The following ANK2 variants were observed in gnomAD, a reference collection of about 807,000 sequenced individuals.
ANK2 encodes ankyrin 2.
ANK2 carries 83 observed loss-of-function variants against 360.5 expected under a neutral mutation model. The ratio of observed to expected loss-of-function variants is 0.23; its 90% CI spans 0.19 to 0.28. The LOEUF (loss-of-function observed/expected upper bound fraction) is 0.28, where lower values mean the gene tolerates loss of function less well. ANK2 is among the 10% of genes least tolerant of loss of function. The pLI is 1.00. For missense variants in ANK2, 4,201 were observed against 4,795.7 expected (o/e 0.88, Z 3.66); for synonymous variants, 1,740 against 1,759.5 (o/e 0.99, Z 0.28).
chr4:112,791,389 C>T, the ANK2 span, among the ~76,000 whole-genome samples: 5 of 151,794 alleles, frequency 3.3e-5, no homozygotes, highest in African/African-American at 9.7e-5. Flanking sequence ...AAGGTTTCAC[C>T]TTTTTCTAGG....
intron 1 of ANK2, among the ~76,000 whole-genome samples, chr4:112,889,245 AAC>A (rs1553969261): frequency 8.5e-5 from 13 of 152,064 alleles, no homozygotes; most frequent in African/African-American, 2.4e-4. Flanking sequence ...AAAAAAAAAA[AAC>A]AAAACCTTAA....
At chr4:113,134,951 T>G (rs554027076) in intron 1 of ANK2, among the ~76,000 whole-genome samples, 1 of 152,286 alleles carries the variant, frequency 6.6e-6, no homozygotes, top group African/African-American at 2.4e-5. Context: ...GACTAAAGTT[T>G]TATGGTGTCC....
Position 113,206,009 on chromosome 4 carries a change from A to AT in ANK2, c.384+6907dup, listed in dbSNP as rs1360703267. Among the ~76,000 whole-genome samples the AT allele has an allele frequency of 2.6e-5, 4 of 152,280 alleles. No individual in the cohort carries two copies. The East Asian group carries it at 7.7e-4, about 29-fold the overall frequency. On this transcript the variant is annotated intron_variant, in intron 4 of 45. Transcript: ENST00000357077. ...TATAAAGTGGGATCTATAGTCACAGATTTTTTTAAACAGGTTTTATTTTCA... is the reference window on the plus strand; with the variant it reads ...TATAAAGTGGGATCTATAGTCACAGATTTTTTTTAAACAGGTTTTATTTTCA...
chr4:112,929,329 T>G (rs1404387473), intron 2 of ANK2, among the ~76,000 whole-genome samples: 1 of 152,256 alleles, frequency 6.6e-6, no homozygotes, highest in Non-Finnish European at 1.5e-5. Flanking sequence ...ACTTCTCTTA[T>G]TGGCTTGAAA....
intron 1 of ANK2, among the ~76,000 whole-genome samples, chr4:112,832,015 C>T (rs531350841): frequency 3.7e-4 from 56 of 152,288 alleles, no homozygotes; most frequent in Admixed American, 2.0e-3. Flanking sequence ...TCACTGCAAG[C>T]GTCCATGGCT....
intron 14 of ANK2, among the ~76,000 whole-genome samples, chr4:113,272,543 G>T (rs755119968): frequency 2.6e-5 from 4 of 152,084 alleles, no homozygotes; most frequent in Non-Finnish European, 5.9e-5. Context: ...TGCAAAATTT[G>T]CATGTTATTT....
intron 1 of ANK2, among the ~76,000 whole-genome samples, chr4:112,839,799 A>G (rs2061722227): frequency 6.6e-6 from 1 of 152,218 alleles, no homozygotes; most frequent in Admixed American, 6.5e-5. Context: ...TATCCTGGGT[A>G]TAGAGATTTT....
intron 1 of ANK2, among the ~76,000 whole-genome samples, chr4:112,860,265 C>T (rs756174376): frequency 2.1e-4 from 32 of 151,860 alleles, no homozygotes; most frequent in Non-Finnish European, 4.4e-4. Flanking sequence ...CTTGCTCTGT[C>T]GCCCAGGCTG....
intron 14 of ANK2, among the ~76,000 whole-genome samples, chr4:113,267,205 G>A (rs939656141): frequency 6.6e-6 from 1 of 152,166 alleles, no homozygotes; most frequent in African/African-American, 2.4e-5. Context: ...TGGGTTGCTT[G>A]TTCACTCTGA....
At chr4:113,228,971 G>T (rs1358065915) in intron 4 of ANK2, among the ~76,000 whole-genome samples, 2 of 152,048 alleles carry the variant, frequency 1.3e-5, no homozygotes, top group Non-Finnish European at 2.9e-5. Flanking sequence ...CACTCCTGGG[G>T]GCCTACCACC....
intron 15 of ANK2, among the ~76,000 whole-genome samples, chr4:113,277,629 C>G (rs2060713625): frequency 6.6e-6 from 1 of 152,102 alleles, no homozygotes; most frequent in Admixed American, 6.5e-5. Flanking sequence ...AATAAAATTT[C>G]TTTTATTCAG....
the ANK2 span, among the ~76,000 whole-genome samples, chr4:112,782,773 G>A: frequency 6.6e-6 from 1 of 151,900 alleles, no homozygotes; most frequent in Admixed American, 6.6e-5. Flanking sequence ...GGAGGCTGAG[G>A]CAGGAGGATC....
At chr4:113,101,400 C>T (rs1404540367) in intron 1 of ANK2, among the ~76,000 whole-genome samples, 3 of 152,082 alleles carry the variant, frequency 2.0e-5, no homozygotes, top group Non-Finnish European at 4.4e-5. Context: ...CTTAATTTCT[C>T]TAGGAAATTC....
intron 1 of ANK2, among the ~76,000 whole-genome samples, chr4:113,086,663 G>T (rs901826861): frequency 6.6e-6 from 1 of 152,178 alleles, no homozygotes; most frequent in South Asian, 2.1e-4. Flanking sequence ...AAAAAACCAC[G>T]AAGAAAACTG....
intron 1 of ANK2, among the ~76,000 whole-genome samples, chr4:112,835,365 A>G (rs1004989387): frequency 1.1e-4 from 16 of 152,184 alleles, no homozygotes; most frequent in African/African-American, 3.6e-4. Context: ...GTCATCTATT[A>G]TTTAAAGTAT....
chr4:113,091,455 C>T (rs1356011301), intron 1 of ANK2, among the ~76,000 whole-genome samples: 1 of 152,106 alleles, frequency 6.6e-6, no homozygotes, highest in Non-Finnish European at 1.5e-5. Context: ...GTGAATTCTG[C>T]AGTGAATTTT....
intron 26 of ANK2, among the ~76,000 whole-genome samples, chr4:113,326,425 T>A (rs1266442768): frequency 6.6e-6 from 1 of 152,174 alleles, no homozygotes; most frequent in Non-Finnish European, 1.5e-5. Context: ...AATTCAGCAT[T>A]TTTATCAGTT....
chr4:113,232,084 T>C, intron 4 of ANK2, 77 bp from the exon 5 acceptor site: 1 of 991,752 alleles, frequency 1.0e-6, no homozygotes, highest in South Asian at 1.3e-5. Flanking sequence ...CTATCTTCCC[T>C]ATGTCGAAGG....
At chr4:112,913,254 C>T (rs2088382949) in intron 2 of ANK2, among the ~76,000 whole-genome samples, 1 of 152,082 alleles carries the variant, frequency 6.6e-6, no homozygotes, top group Non-Finnish European at 1.5e-5. Context: ...TACTTAATTA[C>T]CTTTCTGTAA....
Sources: allele counts gnomAD v4.1 joint callset (sites outside exome capture counted in the v4.1 genomes callset), GRCh38; gene constraint gnomAD v4.1.1; transcripts MANE v1.5; gene names NCBI Gene and HGNC (gene_info 2026-07-23, HGNC 2026-07-21).